Variants in BACE1 observed in about 807,000 individuals in gnomAD.
BACE1 encodes the protein beta-secretase 1, also known as APP beta-secretase.
A neutral mutation model predicts 54.0 loss-of-function variants in BACE1; 21 were observed. The observed-to-expected ratio is 0.39, with a 90% CI of 0.28 to 0.56. The LOEUF (loss-of-function observed/expected upper bound fraction) is 0.56. Ranked by LOEUF, BACE1 falls within the 20% of genes least tolerant of loss-of-function variation. The pLI is 0.63. For synonymous variants in BACE1, 232 were observed against 260.9 expected (o/e 0.89, Z 1.07); for missense variants, 511 against 661.2 (o/e 0.77, Z 2.49).
intron 3 of BACE1, 38 bp from the exon 4 acceptor site, chr11:117,294,046 G>T (rs966852040): frequency 6.3e-7 from 1 of 1,592,340 alleles, no homozygotes; most frequent in Non-Finnish European, 8.6e-7. Flanking sequence ...TCCTCATACG[G>T]CCCTAAAGGC....
chr11:117,297,246 A>G (rs1010527121), intron 1 of BACE1: 6 of 361,632 alleles, frequency 1.7e-5, no homozygotes, highest in Non-Finnish European at 3.0e-5. Flanking sequence ...ACTAATATGC[A>G]AGGGAGTCAA....
Position 117,295,240 on chromosome 11 carries a change from T to G in BACE1, c.458A>C (p.Asn153Thr). ...TDLVSIPHGP[N>T]VTVRANIAAI... ...AGCAATGTTGGCACGCACAGTGACG[T>G]TGGGGCCATGGGGGATGCTTACCAG... is the stretch of plus-strand genomic sequence containing the variant. The change falls in exon 3 of 9, where the codon AAC (asparagine) becomes ACC (threonine). Residue 153 changes from asparagine (N) to threonine (T), a missense_variant. Asn to Thr is a moderately conservative substitution (Grantham distance 65). Transcript: ENST00000313005. 1 of 1,614,170 alleles carries G rather than the reference T, an allele frequency of 6.2e-7. No homozygotes were observed. Among genetic ancestry groups the G allele is most frequent in the Non-Finnish European group, 8.5e-7 (1 of 1,180,032 alleles).
At chr11:117,294,630 T>C (rs1356641878) in intron 3 of BACE1, among the ~76,000 whole-genome samples, 1 of 151,350 alleles carries the variant, frequency 6.6e-6, no homozygotes, top group Non-Finnish European at 1.5e-5. Flanking sequence ...ATGCCTGTAA[T>C]CCCAGCACTT....
rs28917244 is a variant in BACE1, at chr11:117,313,618, A to G, written c.261+1917T>C. Reference sequence around the variant, plus strand: ...CCCGGCGAATTATTTTTGTATTTTTAGTAGAAACAGGGTTTTGCTATGTTA... The same window carrying G: ...CCCGGCGAATTATTTTTGTATTTTTGGTAGAAACAGGGTTTTGCTATGTTA... On this transcript the variant is annotated intron_variant, in intron 1 of 8. Transcript: ENST00000313005. 9.5e-3 allele frequency among the ~76,000 whole-genome samples: 1,447 copies of G among 152,202 alleles called. 23 individuals are homozygous for G. The highest frequency in any genetic ancestry group is 0.033 in the African/African-American group (1,386 of 41,522).
chr11:117,315,707 A>T lies in BACE1; in HGVS notation c.89T>A (p.Leu30Gln), dbSNP rs1289913987. ...GGGGGCGCCCCCCAGGCCGCTGCGC[A>T]GGGGCAGCCGGATGCCGTGCTGGGT... ...HGTQHGIRLP[L>Q]RSGLGGAPLG... is the part of the protein sequence containing the mutation. Residue 30 changes from leucine (L) to glutamine (Q), a missense_variant, in exon 1 of 9, where the codon CTG becomes CAG. This residue lies in a region of BACE1 where 104 missense variants were observed against 95.5 expected (regional missense o/e 1.09). Coordinates refer to ENST00000313005, the MANE Select transcript of BACE1 (RefSeq NM_012104.6). This position sits in a 1 kb window ranked among gnomAD's most constrained non-coding sequence, Gnocchi z 5.5. The T allele has an allele frequency of 6.7e-7, 1 of 1,499,542 alleles. No individual in the cohort carries two copies. The highest frequency in any genetic ancestry group is 8.9e-7 in the Non-Finnish European group (1 of 1,126,968). The allele number at this position is 1,499,542 out of a possible 1,614,324, so 92.9% of individuals were successfully genotyped here. A position where few individuals can be genotyped will look rare whatever the true frequency, so the allele number is the denominator to read the frequency against.
In BACE1 at chr11:117,290,957, T is replaced by C. The variant is rs776591080; in HGVS notation, c.1035A>G (p.Ser345=). The C allele has an allele frequency of 7.4e-5, 120 of 1,614,042 alleles. No individual in the cohort carries two copies. Among genetic ancestry groups the C allele is most frequent in the Middle Eastern group, 6.6e-4 (4 of 6,060 alleles). Residue 345 remains serine (S), a synonymous_variant, in exon 7 of 9, where the codon TCA becomes TCG. Coordinates refer to ENST00000313005, the MANE Select transcript of BACE1 (RefSeq NM_012104.6). The stretch of plus-strand genomic sequence containing the variant: ...TGGTAACCTCACCCATTAGGTAGAG[T>C]GAGATGACTGGGAAAATGTTCCAAG... ...TTPWNIFPVI[S]LYLMGEVTNQ...
At chr11:117,290,282 T>C (rs1434640955) in intron 8 of BACE1, among the ~76,000 whole-genome samples, 1 of 152,122 alleles carries the variant, frequency 6.6e-6, no homozygotes, top group East Asian at 1.9e-4. Flanking sequence ...CCAACAGAGG[T>C]TACCAATCCA....
chr11:117,293,834 C>T lies in BACE1; in HGVS notation c.705+37G>A. 1 of 1,583,614 alleles carries T rather than the reference C, an allele frequency of 6.3e-7. No individual in the cohort carries two copies. Among genetic ancestry groups the T allele is most frequent in the Non-Finnish European group, 8.6e-7 (1 of 1,165,086 alleles). On this transcript the variant is annotated intron_variant, in intron 4 of 8. Coordinates refer to ENST00000313005, the MANE Select transcript of BACE1 (RefSeq NM_012104.6). The surrounding 1 kb of genome is among the most constrained non-coding windows in gnomAD (Gnocchi z 4.1). ...GAGAGGATGGCACCCATCTCTCCCT[C>T]AATGCCAGGACCTCCCCTCTCTGAG...
intron 1 of BACE1, among the ~76,000 whole-genome samples, chr11:117,302,598 C>T (rs1159730620): frequency 6.6e-6 from 1 of 151,388 alleles, no homozygotes; most frequent in Non-Finnish European, 1.5e-5. Context: ...TTAAATGCTT[C>T]CAGGCCAGGC....
In BACE1 at chr11:117,309,992, T is replaced by C. The variant is rs1195916182; in HGVS notation, c.261+5543A>G. Among the ~76,000 whole-genome samples the C allele has an allele frequency of 2.0e-5, 3 of 152,234 alleles. No homozygotes were observed. In the East Asian group the frequency reaches 5.8e-4, roughly 29 times the overall value. On this transcript the variant is annotated intron_variant, in intron 1 of 8. Coordinates refer to ENST00000313005, the MANE Select transcript of BACE1 (RefSeq NM_012104.6). ...GGCGCAATCTCGGCTCACTGCAACC[T>C]CCACCTCACGGGCTCAAGCGATTCT... is the stretch of plus-strand genomic sequence containing the variant.
At position 117,310,795 on chromosome 11, in the gene BACE1, A is replaced by G. The variant is rs138397579; in HGVS notation, c.261+4740T>C. Among the ~76,000 whole-genome samples, 12 of 152,304 alleles carry G rather than the reference A, an allele frequency of 7.9e-5. No individual in the cohort carries two copies. The East Asian group carries it at 2.3e-3, about 29-fold the overall frequency. On this transcript the variant is annotated intron_variant, in intron 1 of 8. Coordinates refer to ENST00000313005, the MANE Select transcript of BACE1 (RefSeq NM_012104.6). The stretch of plus-strand genomic sequence containing the variant: ...ATTACAAGTGTAGTAATGGAGATAT[A>G]AGCAGGTGTAATGGGAGAATGGAAG...
chr11:117,294,131 A>G, intron 3 of BACE1, 123 bp from the exon 4 acceptor site: 1 of 1,148,508 alleles, frequency 8.7e-7, no homozygotes, highest in Non-Finnish European at 1.2e-6. Context: ...AGACCATCTT[A>G]AGGCACTGAG....
At chr11:117,299,438 T>C (rs559064907) in intron 1 of BACE1, among the ~76,000 whole-genome samples, 45 of 152,036 alleles carry the variant, frequency 3.0e-4, no homozygotes, top group Non-Finnish European at 3.2e-4. Flanking sequence ...CTCTGCCAGA[T>C]CCTCTCTGGC....
intron 1 of BACE1, among the ~76,000 whole-genome samples, chr11:117,308,281 T>C (rs980165932): frequency 3.3e-5 from 5 of 152,330 alleles, no homozygotes; most frequent in African/African-American, 7.2e-5. Context: ...CCTAATATTC[T>C]TTTCCTAATC....
intron 2 of BACE1, 150 bp from the exon 3 acceptor site, chr11:117,295,497 C>T (rs1565359873): frequency 2.0e-6 from 3 of 1,536,656 alleles, no homozygotes; most frequent in South Asian, 1.2e-5. Flanking sequence ...CCTAGACTCA[C>T]CACCCAGAAC....
intron 1 of BACE1, among the ~76,000 whole-genome samples, chr11:117,308,766 T>A (rs1242867857): frequency 2.0e-5 from 3 of 151,738 alleles, no homozygotes; most frequent in Non-Finnish European, 4.4e-5. Flanking sequence ...CTGGCCAACA[T>A]GGTGAAACCC....
In BACE1 at chr11:117,293,017, C is replaced by A. The variant is rs761079272; in HGVS notation, c.840+37G>T. On this transcript the variant is annotated intron_variant, in intron 5 of 8. Transcript: ENST00000313005. This position sits in a 1 kb window ranked among gnomAD's most constrained non-coding sequence, Gnocchi z 4.1. Reference sequence around the variant, plus strand: ...TCTTCCTTCACATTGTACTGCCTACCCCCTTATGTTCCCAGGCTCTCCCTT... The same window carrying A: ...TCTTCCTTCACATTGTACTGCCTACACCCTTATGTTCCCAGGCTCTCCCTT... The A allele has an allele frequency of 6.2e-7, 1 of 1,609,614 alleles. No homozygotes were observed. Among genetic ancestry groups the A allele is most frequent in the South Asian group, 1.1e-5 (1 of 90,262 alleles).
At chr11:117,311,796 A>G (rs1196419248) in intron 1 of BACE1, among the ~76,000 whole-genome samples, 2 of 152,004 alleles carry the variant, frequency 1.3e-5, no homozygotes, top group African/African-American at 4.8e-5. Flanking sequence ...ACGCGCCACC[A>G]CACCCAGCTA....
At chr11:117,312,554 C>T (rs1203501751) in intron 1 of BACE1, among the ~76,000 whole-genome samples, 1 of 152,108 alleles carries the variant, frequency 6.6e-6, no homozygotes, top group Non-Finnish European at 1.5e-5. Context: ...CCTCTGTCTC[C>T]TGGGTTCAAG....
Sources: allele counts gnomAD v4.1 joint callset (sites outside exome capture counted in the v4.1 genomes callset), GRCh38; gene constraint gnomAD v4.1.1; regional missense constraint gnomAD v4.1.1; non-coding constraint Gnocchi (gnomAD v3.1); transcripts MANE v1.5; gene names NCBI Gene and HGNC (gene_info 2026-07-23, HGNC 2026-07-21).